The following AUTS2 variants were observed in gnomAD, a reference collection of about 807,000 sequenced individuals.
AUTS2 encodes the protein autism susceptibility gene 2 protein.
AUTS2 carries 17 observed loss-of-function variants against 112.4 expected under a neutral mutation model. That is an observed-to-expected ratio of 0.15 (90% confidence interval 0.10 to 0.23). The LOEUF is 0.23. Among genes scored for constraint, AUTS2 ranks in the 10% least tolerant of loss-of-function variants. The pLI is 1.00. For synonymous variants in AUTS2, 751 were observed against 702.7 expected, an observed-to-expected ratio of 1.07 and a Z score of -1.09; for missense variants, 1,510 against 1,701.6, an observed-to-expected ratio of 0.89 and a Z score of 1.98.
chr7:70,019,475 T>C (rs1190134703), intron 2 of AUTS2, among the ~76,000 whole-genome samples: 2 of 152,224 alleles, frequency 1.3e-5, no homozygotes, highest in Admixed American at 1.3e-4. Flanking sequence ...ATTTCTGTGG[T>C]TGTCCTTCTC....
At chr7:70,372,085 A>G (rs566814606) in intron 4 of AUTS2, among the ~76,000 whole-genome samples, 8 of 152,272 alleles carry the variant, frequency 5.3e-5, no homozygotes, top group Admixed American at 5.2e-4. Context: ...GAAAAGAATG[A>G]TTTTCCATTG....
chr7:70,424,748 G>A (rs562046838), intron 4 of AUTS2, among the ~76,000 whole-genome samples: 12 of 152,168 alleles, frequency 7.9e-5, no homozygotes, highest in African/African-American at 2.2e-4. Context: ...GACCATACCT[G>A]CTAATTTTAA....
rs1450128577 is a variant in AUTS2 at position 70,553,756 on chromosome 7, CTTTCTTTTTTTTTTT to C, written c.690+117979_690+117993del. ...GGGAGACCTTGAGAAAGAGGCCTTTCTTTCTTTTTTTTTTTTTTTTTTTTTTTTGAGACGGAGTCT... is the reference window on the plus strand; with the variant it reads ...GGGAGACCTTGAGAAAGAGGCCTTTCTTTTTTTTTTTTTGAGACGGAGTCT... On this transcript the variant is annotated intron_variant, in intron 5 of 18. Coordinates refer to ENST00000342771, the MANE Select transcript of AUTS2 (RefSeq NM_015570.4). 1.1e-4 allele frequency among the ~76,000 whole-genome samples: 11 copies of C among 98,128 alleles called. 1 individual carries two copies. The highest frequency in any genetic ancestry group is 4.1e-4 in the African/African-American group (10 of 24,486). 64.4% of individuals were successfully genotyped at this position (98,128 alleles called of 152,430 possible).
At chr7:69,616,316 C>T (rs765190279) in intron 1 of AUTS2, among the ~76,000 whole-genome samples, 1 of 152,122 alleles carries the variant, frequency 6.6e-6, no homozygotes, top group Non-Finnish European at 1.5e-5. Flanking sequence ...CCATGTTGCC[C>T]AAATATTTCC....
At chr7:70,739,043 A>G (rs1787948741) in intron 6 of AUTS2, among the ~76,000 whole-genome samples, 3 of 55,988 alleles carry the variant, frequency 5.4e-5, no homozygotes, top group East Asian at 4.8e-4. Flanking sequence ...TTTTTGAGAG[A>G]GAGACAGGGT....
chr7:70,724,011 C>A (rs1487592161), intron 6 of AUTS2, among the ~76,000 whole-genome samples: 2 of 152,012 alleles, frequency 1.3e-5, no homozygotes, highest in African/African-American at 4.8e-5. Context: ...CCTGCCTCAG[C>A]CTCCCGAGTA....
chr7:70,271,903 T>A (rs1232222584), intron 4 of AUTS2, among the ~76,000 whole-genome samples: 5 of 152,142 alleles, frequency 3.3e-5, no homozygotes, highest in Non-Finnish European at 7.3e-5. Context: ...CTCCCCAGGT[T>A]CAATGTAATT....
At chr7:70,496,292 A>G (rs1798497404) in intron 5 of AUTS2, among the ~76,000 whole-genome samples, 1 of 132,446 alleles carries the variant, frequency 7.6e-6, no homozygotes, top group African/African-American at 3.0e-5. Flanking sequence ...TCGATCACAC[A>G]CCCCACTCAC....
At chr7:69,847,940 C>G (rs1372153115) in intron 1 of AUTS2, among the ~76,000 whole-genome samples, 1 of 152,214 alleles carries the variant, frequency 6.6e-6, no homozygotes, top group East Asian at 1.9e-4. Flanking sequence ...TTAGTTTCCT[C>G]TAAGGTCATT....
At chr7:70,404,268 T>G (rs1794441324) in intron 4 of AUTS2, among the ~76,000 whole-genome samples, 1 of 152,152 alleles carries the variant, frequency 6.6e-6, no homozygotes, top group Non-Finnish European at 1.5e-5. Flanking sequence ...CTTCCTTCTT[T>G]ACAGTACACC....
At chr7:70,778,098 A>T (rs1174739412) in intron 14 of AUTS2, among the ~76,000 whole-genome samples, 1 of 152,166 alleles carries the variant, frequency 6.6e-6, no homozygotes, top group African/African-American at 2.4e-5. Flanking sequence ...TATTTTCATC[A>T]TAGGGATGAA....
chr7:70,677,878 T>C (rs1808000361), intron 5 of AUTS2, among the ~76,000 whole-genome samples: 1 of 152,036 alleles, frequency 6.6e-6, no homozygotes, highest in Admixed American at 6.6e-5. Flanking sequence ...GGTCAGGAGA[T>C]CGAGACCGTC....
chr7:70,629,578 C>T (rs1805150033), intron 5 of AUTS2, among the ~76,000 whole-genome samples: 1 of 152,106 alleles, frequency 6.6e-6, no homozygotes, highest in South Asian at 2.1e-4. Context: ...TTGCCACCTC[C>T]CTTAGCAGCC....
Position 69,601,147 on chromosome 7 carries a change from G to GCACACA in AUTS2, c.309+1192_309+1197dup, listed in dbSNP as rs932544345. Among the ~76,000 whole-genome samples the GCACACA allele has an allele frequency of 9.9e-5, 15 of 151,238 alleles. No homozygotes were observed. The East Asian group carries it at 2.9e-3, about 29-fold the overall frequency. On this transcript the variant is annotated intron_variant, in intron 1 of 18. Transcript: ENST00000342771. ...CCTGTCCCCACCCCCCACACACCAT[G>GCACACA]CACACACACACAGAAGGCTTTGAGA...
intron 5 of AUTS2, among the ~76,000 whole-genome samples, chr7:70,606,986 A>G (rs1457427607): frequency 1.3e-5 from 2 of 152,152 alleles, no homozygotes; most frequent in African/African-American, 2.4e-5. Flanking sequence ...GAGACCTGTA[A>G]TAAGTCCTAG....
chr7:70,370,686 G>C (rs183474713), intron 4 of AUTS2, among the ~76,000 whole-genome samples: 3 of 152,032 alleles, frequency 2.0e-5, no homozygotes, highest in African/African-American at 7.2e-5. Flanking sequence ...ATTTCTCTTA[G>C]ACATATACAC....
At chr7:70,675,325 T>C (rs1807855545) in intron 5 of AUTS2, among the ~76,000 whole-genome samples, 1 of 152,088 alleles carries the variant, frequency 6.6e-6, no homozygotes, top group Admixed American at 6.5e-5. Context: ...AAACCCCGTT[T>C]CTGCTAAAAT....
intron 2 of AUTS2, among the ~76,000 whole-genome samples, chr7:69,945,693 A>G (rs1796782463): frequency 6.6e-6 from 1 of 152,158 alleles, no homozygotes; most frequent in Non-Finnish European, 1.5e-5. Flanking sequence ...ATACAATACA[A>G]CATTATTAAC....
At chr7:70,275,038 A>G (rs1357865793) in intron 4 of AUTS2, among the ~76,000 whole-genome samples, 1 of 152,222 alleles carries the variant, frequency 6.6e-6, no homozygotes, top group Non-Finnish European at 1.5e-5. Context: ...GTATATCCAT[A>G]GAACAGAATA....
Sources: allele counts gnomAD v4.1 joint callset (sites outside exome capture counted in the v4.1 genomes callset), GRCh38; gene constraint gnomAD v4.1.1; transcripts MANE v1.5; gene names NCBI Gene and HGNC (gene_info 2026-07-23, HGNC 2026-07-21).